Variants in GABPB1 observed in about 807,000 individuals in gnomAD.
GABPB1 encodes GA-binding protein subunit beta-1.
Under a neutral mutation model 45.9 loss-of-function variants are expected in GABPB1, and 15 were observed. The ratio of observed to expected loss-of-function variants is 0.33; its 90% CI spans 0.22 to 0.50. The LOEUF (loss-of-function observed/expected upper bound fraction) is 0.50. Ranked by LOEUF, GABPB1 falls within the 20% of genes least tolerant of loss-of-function variation. GABPB1 has a pLI of 0.98. For missense variants in GABPB1, 252 were observed against 457.5 expected (o/e 0.55, Z 4.10); for synonymous variants, 143 against 154.4 (o/e 0.93, Z 0.55).
intron 1 of GABPB1, among the ~76,000 whole-genome samples, chr15:50,313,726 C>T (rs1040027671): frequency 7.3e-5 from 11 of 151,706 alleles, no homozygotes; most frequent in South Asian, 4.2e-4. Context: ...ATCTTTTTAA[C>T]GTCAAAATAT....
intron 1 of GABPB1, among the ~76,000 whole-genome samples, chr15:50,337,300 A>G (rs1468900236): frequency 6.6e-6 from 1 of 151,378 alleles, no homozygotes; most frequent in Non-Finnish European, 1.5e-5. Context: ...TCACTCTCAC[A>G]TAAACAAGAC....
At chr15:50,315,051 G>C (rs1412136839) in intron 1 of GABPB1, among the ~76,000 whole-genome samples, 1 of 152,160 alleles carries the variant, frequency 6.6e-6, no homozygotes, top group African/African-American at 2.4e-5. Context: ...ATTATAAATT[G>C]CTTATTTTCA....
intron 1 of GABPB1, chr15:50,352,231 C>A (rs1003864913): frequency 8.6e-5 from 13 of 151,548 alleles, no homozygotes; most frequent in African/African-American, 3.2e-4. Context: ...ATTTCTGGTA[C>A]TGAGGGGCAA....
At chr15:50,344,201 A>G (rs1054978570) in intron 1 of GABPB1, among the ~76,000 whole-genome samples, 1 of 152,264 alleles carries the variant, frequency 6.6e-6, no homozygotes, top group African/African-American at 2.4e-5. Flanking sequence ...TGATAATGTT[A>G]AACAGTAAGG....
Position 50,301,260 on chromosome 15 carries a change from T to C in GABPB1, c.580A>G (p.Thr194Ala). 1 of 1,613,984 alleles carries C rather than the reference T, an allele frequency of 6.2e-7. No individual in the cohort carries two copies. Among genetic ancestry groups the C allele is most frequent in the Non-Finnish European group, 8.5e-7 (1 of 1,179,870 alleles). The change falls in exon 5 of 9, where the codon ACA becomes GCA. Residue 194 changes from threonine (T) to alanine (A), a missense_variant. By Grantham distance (58) the Thr-to-Ala change is moderately conservative (BLOSUM62 0). This residue lies in a region of GABPB1 where 193 missense variants were observed against 259.9 expected (regional missense o/e 0.74). Coordinates refer to ENST00000380877, the MANE Select transcript of GABPB1 (RefSeq NM_016654.5). ...GAATTTTCTGAAGATACCAGACCTG[T>C]TAGGTTCACCACCCCTCCAGGTCCA... ...IIGPGGVVNLTDETGVSAVQF... is the reference protein window; with the variant it reads ...IIGPGGVVNLADETGVSAVQF...
chr15:50,336,172 G>A (rs1019924880), intron 1 of GABPB1, among the ~76,000 whole-genome samples: 12 of 151,688 alleles, frequency 7.9e-5, no homozygotes, highest in East Asian at 2.0e-4. Flanking sequence ...CCAATATGGC[G>A]AAAACCCATC....
At chr15:50,319,324 G>A (rs562660120) in intron 1 of GABPB1, among the ~76,000 whole-genome samples, 1 of 152,120 alleles carries the variant, frequency 6.6e-6, no homozygotes, top group Non-Finnish European at 1.5e-5. Flanking sequence ...GGTGCAGTTT[G>A]TTACACGTAT....
chr15:50,308,149 A>G (rs2047010054), intron 2 of GABPB1, among the ~76,000 whole-genome samples: 1 of 152,096 alleles, frequency 6.6e-6, no homozygotes, highest in Non-Finnish European at 1.5e-5. Flanking sequence ...GCATGTGTTC[A>G]TGTGTTTAGT....
chr15:50,295,885 A>C (rs1455031627), intron 6 of GABPB1, among the ~76,000 whole-genome samples: 3 of 152,210 alleles, frequency 2.0e-5, no homozygotes, highest in Non-Finnish European at 4.4e-5. Context: ...ATTTGCTTAT[A>C]ACATCAAGAA....
chr15:50,329,656 C>A (rs2047884143), intron 1 of GABPB1, among the ~76,000 whole-genome samples: 1 of 152,020 alleles, frequency 6.6e-6, no homozygotes, highest in Non-Finnish European at 1.5e-5. Context: ...AGTTTGTCTT[C>A]AATTTTAAGG....
At chr15:50,300,130 G>C (rs1483646458) in intron 6 of GABPB1, among the ~76,000 whole-genome samples, 1 of 152,112 alleles carries the variant, frequency 6.6e-6, no homozygotes, top group Non-Finnish European at 1.5e-5. Flanking sequence ...TAAACAAAAA[G>C]TCACAAACTA....
chr15:50,284,839 C>G (rs1595731850), intron 8 of GABPB1, among the ~76,000 whole-genome samples: 1 of 152,190 alleles, frequency 6.6e-6, no homozygotes, highest in East Asian at 1.9e-4. Context: ...TGATACTATT[C>G]AATGGAAAAA....
rs1595738903 is a variant in GABPB1, at chr15:50,289,396, A to G, written c.883+87T>C. 4 of 800,218 alleles carry G rather than the reference A, an allele frequency of 5.0e-6. 1 individual carries two copies. Among genetic ancestry groups the G allele is most frequent in the South Asian group, 4.5e-5 (2 of 44,438 alleles). 49.6% of individuals were successfully genotyped at this position (800,218 alleles called of 1,614,324 possible). A position where few individuals can be genotyped will look rare whatever the true frequency, so the allele number is the denominator to read the frequency against. Reference sequence around the variant, plus strand: ...TTCCTGAGAATTAAAAATAAACACAATCTTTTTGGACTGCAGGGAAGACTT... The same window carrying G: ...TTCCTGAGAATTAAAAATAAACACAGTCTTTTTGGACTGCAGGGAAGACTT... On this transcript the variant is annotated intron_variant, in intron 7 of 8. Coordinates refer to ENST00000380877, the MANE Select transcript of GABPB1 (RefSeq NM_016654.5).
intron 8 of GABPB1, among the ~76,000 whole-genome samples, chr15:50,283,042 CTCTA>C (rs2046037737): frequency 6.6e-6 from 1 of 152,018 alleles, no homozygotes; most frequent in African/African-American, 2.4e-5. Flanking sequence ...GCAACAGGGA[CTCTA>C]TCTAAAAAAA....
chr15:50,345,961 C>T (rs7174657), intron 1 of GABPB1, among the ~76,000 whole-genome samples: 94,716 of 151,342 alleles, frequency 0.63, 30,637 homozygotes, highest in African/African-American at 0.77. Context: ...TCCACCCGCC[C>T]TGGCCTCCCA....
intron 1 of GABPB1, among the ~76,000 whole-genome samples, chr15:50,336,296 G>A (rs1358616778): frequency 2.0e-5 from 3 of 147,436 alleles, no homozygotes; most frequent in African/African-American, 2.5e-5. Context: ...AGAGGTTGCA[G>A]TAAGCCAAGA....
At chr15:50,305,500 C>T (rs1282521641) in intron 2 of GABPB1, among the ~76,000 whole-genome samples, 21 of 151,808 alleles carry the variant, frequency 1.4e-4, no homozygotes, top group Admixed American at 1.4e-3. Flanking sequence ...TACAGGCACA[C>T]ACCAACAAAC....
At chr15:50,327,064 T>C (rs1051461923) in intron 1 of GABPB1, 4 of 151,952 alleles carry the variant, frequency 2.6e-5, no homozygotes, top group Non-Finnish European at 4.4e-5. Flanking sequence ...TTAAATCACA[T>C]GAATGTATCC....
In GABPB1 at chr15:50,277,126, T is replaced by A. The variant is rs983799608; in HGVS notation, c.*1506A>T. 6.6e-6 allele frequency: 1 copy of A among 152,124 alleles called. No homozygotes were observed. Among genetic ancestry groups the A allele is most frequent in the African/African-American group, 2.4e-5 (1 of 41,426 alleles). 9.4% of individuals were successfully genotyped at this position (152,124 alleles called of 1,614,324 possible). On this transcript the variant is annotated 3_prime_UTR_variant, in exon 9 of 9. Coordinates refer to ENST00000380877, the MANE Select transcript of GABPB1 (RefSeq NM_016654.5). ...GAAAGAGTTAACAAATTCTCAAGAG[T>A]TACCTCAGGAATTTTAAAGTCATGT...
Sources: allele counts gnomAD v4.1 joint callset (sites outside exome capture counted in the v4.1 genomes callset), GRCh38; gene constraint gnomAD v4.1.1; regional missense constraint gnomAD v4.1.1; transcripts MANE v1.5; gene names NCBI Gene and HGNC (gene_info 2026-07-23, HGNC 2026-07-21).